RBFOX1: variants seen among roughly 807,000 people sequenced by gnomAD.
The protein encoded by RBFOX1 is RNA binding protein fox-1 homolog 1.
Under a neutral mutation model 57.7 loss-of-function variants are expected in RBFOX1, and 8 were observed. The ratio of observed to expected loss-of-function variants is 0.14; its 90% CI spans 0.08 to 0.25. The LOEUF (loss-of-function observed/expected upper bound fraction) is 0.25, where lower values mean the gene tolerates loss of function less well. Ranked by LOEUF, RBFOX1 falls within the 10% of genes least tolerant of loss-of-function variation. RBFOX1 has a pLI of 1.00. For missense variants in RBFOX1, 611 were observed against 548.5 expected (o/e 1.11, Z -1.14); for synonymous variants, 326 against 222.4 (o/e 1.47, Z -4.15).
chr16:6,526,610 C>A (rs908103313), intron 2 of RBFOX1, among the ~76,000 whole-genome samples: 3 of 151,790 alleles, frequency 2.0e-5, no homozygotes, highest in Non-Finnish European at 2.9e-5. Context: ...GTGGGCAGAT[C>A]ACGAGGTCAG....
At chr16:6,493,078 A>G (rs1159151519) in intron 2 of RBFOX1, among the ~76,000 whole-genome samples, 1 of 152,182 alleles carries the variant, frequency 6.6e-6, no homozygotes, top group Non-Finnish European at 1.5e-5. Flanking sequence ...TATTTAAGAG[A>G]AAAGCCTCCA....
chr16:6,537,843 A>T (rs1397093573), intron 2 of RBFOX1, among the ~76,000 whole-genome samples: 1 of 152,066 alleles, frequency 6.6e-6, no homozygotes, highest in Non-Finnish European at 1.5e-5. Context: ...GATTTTCTTT[A>T]TATATAGAAA....
intron 2 of RBFOX1, among the ~76,000 whole-genome samples, chr16:6,418,345 T>C (rs543122432): frequency 1.3e-5 from 2 of 152,102 alleles, no homozygotes; most frequent in Admixed American, 1.3e-4. Context: ...GAATCTCTTA[T>C]GGTGACTTCT....
chr16:7,499,659 T>A (rs1393062111), intron 4 of RBFOX1, among the ~76,000 whole-genome samples: 1 of 152,138 alleles, frequency 6.6e-6, no homozygotes, highest in Non-Finnish European at 1.5e-5. Flanking sequence ...GTGAAGAGGA[T>A]GAATGCAGCC....
chr16:7,464,743 C>T (rs563088287), intron 4 of RBFOX1, among the ~76,000 whole-genome samples: 1 of 117,788 alleles, frequency 8.5e-6, no homozygotes, highest in Non-Finnish European at 1.6e-5. Flanking sequence ...GTCGCCCAGG[C>T]TGGAGTGCAG....
intron 3 of RBFOX1, among the ~76,000 whole-genome samples, chr16:5,624,326 C>T (rs1245093610): frequency 6.6e-6 from 1 of 152,202 alleles, no homozygotes; most frequent in Non-Finnish European, 1.5e-5. Flanking sequence ...TCCCAAGCAG[C>T]TGGGACTACA....
intron 1 of RBFOX1, among the ~76,000 whole-genome samples, chr16:6,236,078 C>T (rs1200409827): frequency 2.0e-5 from 3 of 152,166 alleles, no homozygotes; most frequent in African/African-American, 7.2e-5. Flanking sequence ...AGGCTATTTG[C>T]TGGACTAGAG....
chr16:7,488,438 T>TATTG (rs1567455734), intron 4 of RBFOX1, among the ~76,000 whole-genome samples: 21 of 20,132 alleles, frequency 1.0e-3, no homozygotes, highest in South Asian at 0.062. Flanking sequence ...GCTATCATTC[T>TATTG]TTCGTTGTTT....
intron 3 of RBFOX1, among the ~76,000 whole-genome samples, chr16:6,928,907 T>C (rs773739315): frequency 6.6e-5 from 10 of 152,060 alleles, no homozygotes; most frequent in Non-Finnish European, 1.2e-4. Flanking sequence ...CAGTAGAGCA[T>C]CAGTTGTCAG....
chr16:6,617,894 C>A (rs115844009), intron 2 of RBFOX1, among the ~76,000 whole-genome samples: 3,302 of 152,192 alleles, frequency 0.022, 129 homozygotes, highest in African/African-American at 0.075. Flanking sequence ...CTAGAAGTGT[C>A]TGGGGGCAGG....
At chr16:5,770,451 C>T (rs889748975) in intron 3 of RBFOX1, among the ~76,000 whole-genome samples, 3 of 152,148 alleles carry the variant, frequency 2.0e-5, no homozygotes, top group African/African-American at 7.2e-5. Flanking sequence ...GGAAGCTCCC[C>T]ACCCCTTTTC....
At chr16:6,893,473 C>A (rs181532446) in intron 3 of RBFOX1, among the ~76,000 whole-genome samples, 13 of 152,234 alleles carry the variant, frequency 8.5e-5, no homozygotes, top group Admixed American at 7.9e-4. Context: ...AGTAGCTGTG[C>A]GATAGAGAGG....
In RBFOX1 at chr16:7,565,952, C is replaced by T. The variant is rs1282886985; in HGVS notation, c.271-13825C>T. Among the ~76,000 whole-genome samples, 5 of 152,088 alleles carry T rather than the reference C, an allele frequency of 3.3e-5. No homozygotes were observed. The East Asian group carries it at 9.7e-4, about 29-fold the overall frequency. ...AATTTGGGGATGCTCGTGGATGAAG[C>T]AGCAGCTGGGCCCAAATCATTAGTT... is the stretch of plus-strand genomic sequence containing the variant. On this transcript the variant is annotated intron_variant, in intron 5 of 15. Coordinates refer to ENST00000550418, the MANE Select transcript of RBFOX1 (RefSeq NM_018723.4).
chr16:6,013,754 C>A (rs911175376), intron 4 of RBFOX1, among the ~76,000 whole-genome samples: 1 of 152,086 alleles, frequency 6.6e-6, no homozygotes, highest in Non-Finnish European at 1.5e-5. Flanking sequence ...TTTTCTTAAT[C>A]CAGTCTATCA....
At chr16:6,245,682 T>G (rs2097565346) in intron 1 of RBFOX1, among the ~76,000 whole-genome samples, 1 of 152,114 alleles carries the variant, frequency 6.6e-6, no homozygotes, top group Non-Finnish European at 1.5e-5. Context: ...CTCTTAGTGG[T>G]GTTAGAATTC....
At chr16:5,973,610 G>A (rs550218050) in intron 4 of RBFOX1, among the ~76,000 whole-genome samples, 18 of 152,262 alleles carry the variant, frequency 1.2e-4, no homozygotes, top group African/African-American at 3.4e-4. Flanking sequence ...TAGGCCATGG[G>A]GTGCCCAGAT....
At chr16:7,669,556 C>T (rs1026066339) in intron 13 of RBFOX1, among the ~76,000 whole-genome samples, 1 of 152,144 alleles carries the variant, frequency 6.6e-6, no homozygotes, top group South Asian at 2.1e-4. Flanking sequence ...CCATGAGGGC[C>T]GCCTAGCAAA....
At chr16:6,956,201 C>T (rs150630800) in intron 3 of RBFOX1, among the ~76,000 whole-genome samples, 1 of 152,134 alleles carries the variant, frequency 6.6e-6, no homozygotes, top group Non-Finnish European at 1.5e-5. Context: ...GATGGGAGTA[C>T]CACACAGGAG....
At chr16:6,969,295 G>A (rs908650983) in intron 3 of RBFOX1, among the ~76,000 whole-genome samples, 5 of 152,160 alleles carry the variant, frequency 3.3e-5, no homozygotes, top group African/African-American at 1.2e-4. Flanking sequence ...GTTACTCAAC[G>A]AATCCTATTT....
Sources: allele counts gnomAD v4.1 joint callset (sites outside exome capture counted in the v4.1 genomes callset), GRCh38; gene constraint gnomAD v4.1.1; transcripts MANE v1.5; gene names NCBI Gene and HGNC (gene_info 2026-07-23, HGNC 2026-07-21).